EML4: variants seen among roughly 807,000 people sequenced by gnomAD.
EML4 encodes echinoderm microtubule-associated protein-like 4.
EML4 carries 72 observed loss-of-function variants against 129.0 expected under a neutral mutation model. The ratio of observed to expected loss-of-function variants is 0.56; its 90% CI spans 0.46 to 0.68. The LOEUF (loss-of-function observed/expected upper bound fraction) is 0.68. EML4 is among the 30% of genes least tolerant of loss of function. EML4 has a pLI of 0.00. For missense variants in EML4, 1,363 were observed against 1,190.6 expected, an observed-to-expected ratio of 1.14 and a Z score of -2.13; for synonymous variants, 532 against 405.0, an observed-to-expected ratio of 1.31 and a Z score of -3.77.
rs747086887 is a variant in EML4 at position 42,330,123 on chromosome 2, TGAA to T, written c.2865_2867del (p.Glu956del). The T allele has an allele frequency of 2.5e-6, 4 of 1,612,280 alleles. No homozygotes were observed. The South Asian group carries it at 4.4e-5, about 18-fold the overall frequency. ...GCGGAGACCTTGGTGAGCCTCTTTA[TGAA>T]GAGCCATGCAACGAGATAAGCAAGG... is the stretch of plus-strand genomic sequence containing the variant. On this transcript the variant is annotated inframe_deletion, in exon 23 of 23. Coordinates refer to ENST00000318522, the MANE Select transcript of EML4 (RefSeq NM_019063.5).
chr2:42,281,016 C>G (rs199662238), intron 7 of EML4, 43 bp downstream of exon 7: 23 of 1,473,146 alleles, frequency 1.6e-5, no homozygotes, highest in African/African-American at 2.9e-5. Flanking sequence ...TGCTTTGTCT[C>G]TAGTTAACAA....
At chr2:42,294,973 AT>A (rs1667862521) in intron 11 of EML4, 151 bp from the exon 12 acceptor site, 1 of 621,042 alleles carries the variant, frequency 1.6e-6, no homozygotes, top group Non-Finnish European at 2.6e-6. Context: ...CAAAAAATAC[AT>A]TATCAAAATT....
chr2:42,312,667 C>T (rs999791862), intron 17 of EML4, among the ~76,000 whole-genome samples: 1 of 152,052 alleles, frequency 6.6e-6, no homozygotes, highest in African/African-American at 2.4e-5. Context: ...GATTCTTCTG[C>T]CTCAGCCTCC....
chr2:42,238,747 A>C (rs972690787), intron 1 of EML4, among the ~76,000 whole-genome samples: 1 of 152,118 alleles, frequency 6.6e-6, no homozygotes, highest in African/African-American at 2.4e-5. Flanking sequence ...CTGAATTACA[A>C]GCATGTGCCA....
chr2:42,286,534 TA>T (rs2103634305), intron 10 of EML4, among the ~76,000 whole-genome samples, 155 bp downstream of exon 10: 1 of 152,346 alleles, frequency 6.6e-6, no homozygotes, highest in African/African-American at 2.4e-5. Flanking sequence ...GCTAAATGGC[TA>T]GCATTTTGAC....
At chr2:42,176,713 A>C (rs1012514218) in intron 1 of EML4, among the ~76,000 whole-genome samples, 4 of 152,180 alleles carry the variant, frequency 2.6e-5, no homozygotes, top group African/African-American at 7.2e-5. Context: ...GTTTATTCCA[A>C]TAGTTATAAG....
At chr2:42,196,822 G>A (rs1424579574) in intron 1 of EML4, among the ~76,000 whole-genome samples, 1 of 152,196 alleles carries the variant, frequency 6.6e-6, no homozygotes, top group Non-Finnish European at 1.5e-5. Context: ...GACTGGGAGA[G>A]TTTTCTGTAA....
chr2:42,200,692 C>A (rs1198455052), intron 1 of EML4, among the ~76,000 whole-genome samples: 1 of 152,212 alleles, frequency 6.6e-6, no homozygotes. Flanking sequence ...CTCTAAATAT[C>A]ATAACAATTC....
At chr2:42,312,594 C>A (rs971844948) in intron 17 of EML4, among the ~76,000 whole-genome samples, 1 of 151,914 alleles carries the variant, frequency 6.6e-6, no homozygotes, top group African/African-American at 2.4e-5. Flanking sequence ...TGCTCTGTCG[C>A]CCAGGCTGGA....
intron 1 of EML4, among the ~76,000 whole-genome samples, chr2:42,177,229 A>G (rs1214746554): frequency 7.0e-6 from 1 of 142,880 alleles, no homozygotes; most frequent in Non-Finnish European, 1.5e-5. Context: ...TATAGTTGAC[A>G]ACTTAACAAC....
At chr2:42,281,379 GA>G (rs1205961638) in intron 7 of EML4, among the ~76,000 whole-genome samples, 1 of 142,234 alleles carries the variant, frequency 7.0e-6, no homozygotes, top group Non-Finnish European at 1.5e-5. Flanking sequence ...GGCGACCGGG[GA>G]AAACTCTGTC....
In EML4 at chr2:42,301,374, T is replaced by C; in HGVS notation, c.1623T>C (p.Asn541=). 3 of 1,611,978 alleles carry C rather than the reference T, an allele frequency of 1.9e-6. No individual in the cohort carries two copies. Among genetic ancestry groups the C allele is most frequent in the Non-Finnish European group, 2.5e-6 (3 of 1,179,150 alleles). The change falls in exon 14 of 23, where the codon AAT becomes AAC. Residue 541 remains asparagine, a synonymous_variant. Transcript: ENST00000318522. ...TAATTCTGTGGGATCATGATCTGAA[T>C]CCTGAAAGAGAAATAGAGGTAAGGA... is the stretch of plus-strand genomic sequence containing the variant. ...RKIILWDHDL[N]PEREIEVPDQ... is the part of the protein sequence containing the mutation.
In EML4 at chr2:42,245,468, T is replaced by C. The variant is rs1205286590; in HGVS notation, c.26-37T>C. ...ATCAGAAATTACTTCTCAAGCAGTTTACTTAAAAATATTCCATATTTTATT... is the reference window on the plus strand; with the variant it reads ...ATCAGAAATTACTTCTCAAGCAGTTCACTTAAAAATATTCCATATTTTATT... On this transcript the variant is annotated intron_variant, in intron 1 of 22. Transcript: ENST00000318522. The C allele has an allele frequency of 2.0e-6, 3 of 1,508,770 alleles. No individual in the cohort carries two copies. The African/African-American group carries it at 4.2e-5, about 21-fold the overall frequency. The allele number at this position is 1,508,770 out of a possible 1,614,324, so 93.5% of individuals were successfully genotyped here.
chr2:42,307,293 C>CT (rs1668663009), intron 17 of EML4, among the ~76,000 whole-genome samples: 1 of 152,194 alleles, frequency 6.6e-6, no homozygotes, highest in African/African-American at 2.4e-5. Flanking sequence ...ATTTTAGTGA[C>CT]TTAAACTAAA....
At chr2:42,245,729 A>T (rs541553087) in intron 2 of EML4, 42 bp downstream of exon 2, 1 of 1,497,678 alleles carries the variant, frequency 6.7e-7, no homozygotes, top group Middle Eastern at 1.8e-4. Flanking sequence ...GCTTTTTGCA[A>T]TATTTTCTTT....
At chr2:42,320,764 C>G (rs1485334973) in intron 19 of EML4, among the ~76,000 whole-genome samples, 1 of 152,086 alleles carries the variant, frequency 6.6e-6, no homozygotes, top group Non-Finnish European at 1.5e-5. Flanking sequence ...TGAGTGTCAA[C>G]ATAATGGCTT....
intron 2 of EML4, among the ~76,000 whole-genome samples, chr2:42,249,829 A>C (rs965121213): frequency 1.3e-5 from 2 of 152,134 alleles, no homozygotes; most frequent in South Asian, 4.1e-4. Context: ...CAGTCACTTA[A>C]ATTTTTCATA....
chr2:42,309,249 T>C (rs141892845), intron 17 of EML4, among the ~76,000 whole-genome samples: 1 of 143,760 alleles, frequency 7.0e-6, no homozygotes, highest in Non-Finnish European at 1.5e-5. Flanking sequence ...CTACAAAAAA[T>C]AAAAAAAAAA....
intron 3 of EML4, among the ~76,000 whole-genome samples, chr2:42,259,788 GGC>G (rs1665606982): frequency 7.2e-6 from 1 of 139,096 alleles, no homozygotes; most frequent in Non-Finnish European, 1.5e-5. Flanking sequence ...GGAGTGCAGT[GGC>G]GCAATCTCGG....
Sources: gnomAD v4.1 joint callset for allele counts (sites outside exome capture counted in the v4.1 genomes callset) on GRCh38, gnomAD v4.1.1 for gene constraint, MANE v1.5 for transcripts, NCBI Gene and HGNC (gene_info 2026-07-23, HGNC 2026-07-21) for gene names.